SHISA6: variants seen among roughly 807,000 people sequenced by gnomAD.
SHISA6 encodes shisa family member 6.
Under a neutral mutation model 47.9 loss-of-function variants are expected in SHISA6, and 22 were observed. That is an observed-to-expected ratio of 0.46 (90% CI 0.33 to 0.66). The LOEUF is 0.66. SHISA6 is among the 30% of genes least tolerant of loss of function. The pLI is 0.02. For synonymous variants in SHISA6, 388 were observed against 337.8 expected (o/e 1.15, Z -1.63); for missense variants, 680 against 764.6 (o/e 0.89, Z 1.30).
At chr17:11,294,578 C>A (rs1909676611) in intron 2 of SHISA6, among the ~76,000 whole-genome samples, 1 of 152,160 alleles carries the variant, frequency 6.6e-6, no homozygotes, top group South Asian at 2.1e-4. Flanking sequence ...CCAAATGAGA[C>A]AATATATATT....
chr17:11,350,617 C>T (rs1358640432), intron 2 of SHISA6, among the ~76,000 whole-genome samples: 1 of 152,100 alleles, frequency 6.6e-6, no homozygotes, highest in African/African-American at 2.4e-5. Flanking sequence ...CACTGTCAAT[C>T]ATCTCTCACT....
Position 11,460,347 on chromosome 17 carries a change from G to A in SHISA6, c.895+80838G>A, listed in dbSNP as rs138221011. ...CTGAGTCCAGCAGAAAAAAAACAACGATACAAATATCTAGGAGTTGGAAAA... is the reference window on the plus strand; with the variant it reads ...CTGAGTCCAGCAGAAAAAAAACAACAATACAAATATCTAGGAGTTGGAAAA... On this transcript the variant is annotated intron_variant, in intron 3 of 5. Transcript: ENST00000441885. Among the ~76,000 whole-genome samples, 627 of 152,228 alleles carry A rather than the reference G, an allele frequency of 4.1e-3. 4 individuals are homozygous for A. Among genetic ancestry groups the A allele is most frequent in the Middle Eastern group, 0.01 (3 of 294 alleles).
rs1907379869 is a variant in SHISA6 at position 11,242,015 on chromosome 17, C to T, written c.593C>T (p.Ser198Phe). The change falls in exon 1 of 6, where the codon TCC (serine) becomes TTC (phenylalanine). Residue 198 changes from serine (S) to phenylalanine (F), a missense_variant. Physicochemically the swap from Ser to Phe is radical, Grantham distance 155. This residue lies in a region of SHISA6 where 559 missense variants were observed against 674.1 expected (regional missense o/e 0.83). Coordinates refer to ENST00000441885, the MANE Select transcript of SHISA6 (RefSeq NM_207386.4). ...GTGGCCGGCGTCTTCGCCAAGGTCT[C>T]CTACGACAAGGCCCACCGCCCTCCA... The part of the protein sequence containing the change: ...VIVAGVFAKV[S>F]YDKAHRPPRE... 1 of 1,551,052 alleles carries T rather than the reference C, an allele frequency of 6.4e-7. No homozygotes were observed. The highest frequency in any genetic ancestry group is 8.7e-7 in the Non-Finnish European group (1 of 1,147,006).
chr17:11,342,445 C>T (rs1414671249), intron 2 of SHISA6, among the ~76,000 whole-genome samples: 1 of 152,036 alleles, frequency 6.6e-6, no homozygotes, highest in Non-Finnish European at 1.5e-5. Flanking sequence ...GGCACAGGGA[C>T]TCTTCCCATC....
intron 3 of SHISA6, among the ~76,000 whole-genome samples, chr17:11,517,845 C>T (rs9907120): frequency 0.018 from 2,745 of 152,094 alleles, 88 homozygotes; most frequent in African/African-American, 0.061. Context: ...CAGCTTACTG[C>T]TCACCACCCC....
intron 3 of SHISA6, among the ~76,000 whole-genome samples, chr17:11,514,171 A>G (rs1487214414): frequency 2.0e-5 from 3 of 152,142 alleles, no homozygotes; most frequent in South Asian, 4.2e-4. Context: ...AGCTGTGATC[A>G]CAGTTCCAGG....
rs1340495476 is a variant in SHISA6 at position 11,241,739 on chromosome 17, A to G, written c.317A>G (p.Lys106Arg). 6.5e-7 allele frequency: 1 copy of G among 1,544,882 alleles called. No homozygotes were observed. Among genetic ancestry groups the G allele is most frequent in the Middle Eastern group, 1.7e-4 (1 of 5,988 alleles). ...GYYDVSGQYD[K>R]EFECNNSESG... The stretch of plus-strand genomic sequence containing the variant: ...TACGACGTGAGCGGCCAGTACGACA[A>G]GGAGTTCGAGTGTAACAACAGCGAG... The change falls in exon 1 of 6, where the codon AAG (lysine) becomes AGG (arginine). Residue 106 changes from lysine (K) to arginine (R), a missense_variant. Around this residue, in one of 2 missense-constraint regions of SHISA6, gnomAD observed 559 missense variants for 674.1 expected, o/e 0.83. Transcript: ENST00000441885. This position sits in a 1 kb window ranked among gnomAD's most constrained non-coding sequence, Gnocchi z 5.5.
chr17:11,257,488 C>CT (rs1209795123), intron 1 of SHISA6, among the ~76,000 whole-genome samples: 1 of 151,886 alleles, frequency 6.6e-6, no homozygotes, highest in Non-Finnish European at 1.5e-5. Context: ...TGGTGAAACT[C>CT]TGTCTCTACA....
intron 3 of SHISA6, among the ~76,000 whole-genome samples, chr17:11,489,872 C>T (rs1253904329): frequency 6.6e-6 from 1 of 152,198 alleles, no homozygotes; most frequent in African/African-American, 2.4e-5. Context: ...TTCCCCCCTT[C>T]CCCAACCACC....
intron 3 of SHISA6, among the ~76,000 whole-genome samples, chr17:11,509,158 T>G (rs1342758961): frequency 6.6e-6 from 1 of 152,158 alleles, no homozygotes; most frequent in Non-Finnish European, 1.5e-5. Context: ...GAAAGAAGTG[T>G]CGGAAGGCCC....
At chr17:11,528,300 T>C (rs2071703455) in intron 3 of SHISA6, among the ~76,000 whole-genome samples, 1 of 152,212 alleles carries the variant, frequency 6.6e-6, no homozygotes, top group Admixed American at 6.5e-5. Flanking sequence ...GAGGGATATA[T>C]ACTGTGTGTC....
chr17:11,476,298 A>AT (rs1336318352), intron 3 of SHISA6, among the ~76,000 whole-genome samples: 6 of 151,540 alleles, frequency 4.0e-5, no homozygotes, highest in Non-Finnish European at 8.8e-5. Flanking sequence ...TTTCTGCTCT[A>AT]TTTTTTATTG....
At chr17:11,364,819 G>C (rs1218607335) in intron 2 of SHISA6, among the ~76,000 whole-genome samples, 1 of 152,218 alleles carries the variant, frequency 6.6e-6, no homozygotes, top group Admixed American at 6.5e-5. Flanking sequence ...CCCACCAGCA[G>C]TGTATGAGAG....
intron 2 of SHISA6, among the ~76,000 whole-genome samples, chr17:11,286,252 T>C (rs1156132): frequency 0.64 from 97,947 of 151,984 alleles, 32,264 homozygotes; most frequent in South Asian, 0.83. Context: ...CATATCTGTG[T>C]GTCCTTCCCT....
chr17:11,332,617 A>G (rs539128916), intron 2 of SHISA6, among the ~76,000 whole-genome samples: 5 of 152,254 alleles, frequency 3.3e-5, no homozygotes, highest in African/African-American at 9.6e-5. Flanking sequence ...TCGCAGGCTC[A>G]GGTTTGCTTT....
chr17:11,412,816 G>A (rs373601201), intron 3 of SHISA6, among the ~76,000 whole-genome samples: 10 of 152,150 alleles, frequency 6.6e-5, no homozygotes, highest in African/African-American at 2.4e-4. Flanking sequence ...CCTGGGCCCG[G>A]GTGTGGCCTT....
rs2071931404 is a variant in SHISA6, at chr17:11,551,504, C to T, written c.896-392C>T. ...AGGGCACCCTCATTTTGGTTAACCA[C>T]ACCCTAATACCCACCACTCAATGAA... On this transcript the variant is annotated intron_variant, in intron 3 of 5. Transcript: ENST00000441885. 2.6e-5 allele frequency among the ~76,000 whole-genome samples: 4 copies of T among 152,136 alleles called. No individual in the cohort carries two copies. In the South Asian group the frequency reaches 8.3e-4, roughly 32 times the overall value.
At chr17:11,546,769 A>C (rs1051115081) in intron 3 of SHISA6, among the ~76,000 whole-genome samples, 1 of 152,134 alleles carries the variant, frequency 6.6e-6, no homozygotes, top group African/African-American at 2.4e-5. Flanking sequence ...AAAATACAAA[A>C]AATTAGCTGG....
intron 3 of SHISA6, among the ~76,000 whole-genome samples, chr17:11,471,657 T>A (rs1225565176): frequency 6.6e-6 from 1 of 152,204 alleles, no homozygotes; most frequent in East Asian, 1.9e-4. Flanking sequence ...GTAATCAACT[T>A]ATTGATTGGG....
Sources: gnomAD v4.1 joint callset for allele counts (sites outside exome capture counted in the v4.1 genomes callset) on GRCh38, gnomAD v4.1.1 for gene constraint, gnomAD v4.1.1 regional missense constraint, Gnocchi (gnomAD v3.1) non-coding constraint, MANE v1.5 for transcripts, NCBI Gene and HGNC (gene_info 2026-07-23, HGNC 2026-07-21) for gene names.